Variants in BRF1 observed in about 807,000 individuals in gnomAD.
The protein encoded by BRF1 is transcription factor IIIB 90 kDa subunit.
A neutral mutation model predicts 81.7 loss-of-function variants in BRF1; 59 were observed. The ratio of observed to expected loss-of-function variants is 0.72; its 90% CI spans 0.59 to 0.90. The LOEUF is 0.90. Ranked by LOEUF, BRF1 falls within the 40% of genes least tolerant of loss-of-function variation. The probability of loss-of-function intolerance (pLI) is 0.00; values close to 1 mark genes in which losing one functional copy is unlikely to be tolerated. For synonymous variants in BRF1, 491 were observed against 395.6 expected (o/e 1.24, Z -2.86); for missense variants, 1,050 against 936.3 (o/e 1.12, Z -1.58).
intron 1 of BRF1, among the ~76,000 whole-genome samples, chr14:105,311,253 CT>C (rs1713434710): frequency 6.6e-6 from 1 of 151,752 alleles, no homozygotes; most frequent in African/African-American, 2.4e-5. Context: ...TGTGCCCGGC[CT>C]TTTTATTTTT....
rs370814430 is a variant in BRF1 at position 105,287,875 on chromosome 14, A to C, written c.185-1499T>G. 2.0e-4 allele frequency among the ~76,000 whole-genome samples: 31 copies of C among 152,384 alleles called. No individual in the cohort carries two copies. The South Asian group carries it at 4.8e-3, about 23-fold the overall frequency. On this transcript the variant is annotated intron_variant, in intron 1 of 17. Coordinates refer to ENST00000547530, the MANE Select transcript of BRF1 (RefSeq NM_001519.4). ...AGCTACTGGGCCCGTCCGGAAACTCAGAGCTGAACAGGGTCAGGTGGCACT... is the reference window on the plus strand; with the variant it reads ...AGCTACTGGGCCCGTCCGGAAACTCCGAGCTGAACAGGGTCAGGTGGCACT...
intron 5 of BRF1, chr14:105,247,026 C>T: frequency 9.1e-6 from 9 of 985,470 alleles, no homozygotes; most frequent in Non-Finnish European, 1.1e-5. Flanking sequence ...GCTGTCTCCA[C>T]TCTGGCCATT....
chr14:105,286,095 C>T (rs587745346), intron 2 of BRF1, among the ~76,000 whole-genome samples: 147 of 152,340 alleles, frequency 9.6e-4, no homozygotes, highest in Middle Eastern at 3.4e-3. Context: ...CCCCAAACAG[C>T]CCTGGCAGAG....
At chr14:105,223,557 T>C (rs1892631937) in intron 10 of BRF1, among the ~76,000 whole-genome samples, 1 of 152,152 alleles carries the variant, frequency 6.6e-6, no homozygotes, top group African/African-American at 2.4e-5. Context: ...GAAAAACATA[T>C]ACTATGTGAT....
At chr14:105,246,075 G>A (rs1349897375) in intron 5 of BRF1, among the ~76,000 whole-genome samples, 7 of 152,094 alleles carry the variant, frequency 4.6e-5, no homozygotes, top group Non-Finnish European at 1.0e-4. Context: ...GAACAAAATC[G>A]ATTAAAAATG....
Position 105,248,898 on chromosome 14 carries a change from A to G in BRF1, c.544+3609T>C, listed in dbSNP as rs953623186. The G allele has an allele frequency of 6.1e-4, 596 of 984,800 alleles. 10 individuals carry two copies. In the African/African-American group the frequency reaches 0.01, roughly 17 times the overall value. The allele number at this position is 984,800 out of a possible 1,614,324, so 61.0% of individuals were successfully genotyped here. A position where few individuals can be genotyped will look rare whatever the true frequency, so the allele number is the denominator to read the frequency against. ...GGCGGCGGAACTCTACGCTCCCGCC[A>G]GCGCCGCGGCCGCGGACCTAGCCAA... is the stretch of plus-strand genomic sequence containing the variant. On this transcript the variant is annotated intron_variant, in intron 5 of 17. Transcript: ENST00000547530.
In BRF1 at chr14:105,209,614, G is replaced by C. The variant is rs1889852952; in HGVS notation, c.*937C>G. 3 of 699,702 alleles carry C rather than the reference G, an allele frequency of 4.3e-6. No homozygotes were observed. The allele number at this position is 699,702 out of a possible 1,614,324, so 43.3% of individuals were successfully genotyped here. ...TGGGGCCTTCCCACGAAGAGGCCTG[G>C]GGAGGCTCTCGGGCCTCCGTCTGCC... On this transcript the variant is annotated 3_prime_UTR_variant, in exon 18 of 18. Transcript: ENST00000547530.
chr14:105,308,465 C>CA (rs1284386122), intron 1 of BRF1, among the ~76,000 whole-genome samples: 4 of 149,336 alleles, frequency 2.7e-5, no homozygotes, highest in Non-Finnish European at 5.9e-5. Flanking sequence ...CTGGGCACGA[C>CA]AGAGGCAGAT....
In BRF1 at chr14:105,210,088, G is replaced by A. The variant is rs587698093; in HGVS notation, c.*463C>T. ...CAGGGCTCTGGCTTCCACTCTGGCA[G>A]AGGCTGCTGGCGCCGAGTGCTGCTC... On this transcript the variant is annotated 3_prime_UTR_variant, in exon 18 of 18. Transcript: ENST00000547530. The surrounding 1 kb of genome is among the most constrained non-coding windows in gnomAD (Gnocchi z 4.7). 15 of 217,298 alleles carry A rather than the reference G, an allele frequency of 6.9e-5. No homozygotes were observed. The East Asian group carries it at 1.8e-3, about 26-fold the overall frequency. 13.5% of individuals were successfully genotyped at this position (217,298 alleles called of 1,614,324 possible). A position where few individuals can be genotyped will look rare whatever the true frequency, so the allele number is the denominator to read the frequency against.
In BRF1 at chr14:105,226,708, T is replaced by C; in HGVS notation, c.841A>G (p.Met281Val). 1.2e-6 allele frequency: 2 copies of C among 1,613,712 alleles called. No homozygotes were observed. The change falls in exon 8 of 18, where the codon ATG (methionine) becomes GTG (valine). Residue 281 changes from methionine (M) to valine (V), a missense_variant. This residue lies in a region of BRF1 where 1,043 missense variants were observed against 915.4 expected (regional missense o/e 1.14). Transcript: ENST00000547530. ...PTSQLTIDEF[M>V]KIDLEEECDP... Reference sequence around the variant, plus strand: ...CACTCCTCCTCCAGGTCGATCTTCATGAACTCATCAATGGTCAACTGACTG... The same window carrying C: ...CACTCCTCCTCCAGGTCGATCTTCACGAACTCATCAATGGTCAACTGACTG...
intron 1 of BRF1, among the ~76,000 whole-genome samples, chr14:105,290,714 TCCTC>T (rs1290503263): frequency 6.6e-6 from 1 of 151,826 alleles, no homozygotes; most frequent in Non-Finnish European, 1.5e-5. Flanking sequence ...CTGCCCTCCC[TCCTC>T]CATCACTCTG....
At position 105,226,093 on chromosome 14, in the gene BRF1, C is replaced by G; in HGVS notation, c.1024G>C (p.Gly342Arg). The G allele has an allele frequency of 6.2e-7, 1 of 1,613,868 alleles. No homozygotes were observed. Residue 342 changes from glycine to arginine, a missense_variant, in exon 10 of 18, where the codon GGC becomes CGC. Transcript: ENST00000547530. ...LENSRPKAKG[G>R]LASLAKDGST... ...CCATCTTTTGCCAGGCTGGCCAGGC[C>G]CCCCTTGGCCTTTGGCCGGCTGTTT...
intron 6 of BRF1, 57 bp downstream of exon 6, chr14:105,241,208 A>C (rs1043557000): frequency 1.3e-6 from 2 of 1,592,372 alleles, no homozygotes; most frequent in African/African-American, 1.3e-5. Flanking sequence ...AGGAGTCAGG[A>C]AAGTGTGAGG....
rs587748678 is a variant in BRF1, at chr14:105,220,214, C to T, written c.1316-84G>A. On this transcript the variant is annotated intron_variant, in intron 11 of 17. Coordinates refer to ENST00000547530, the MANE Select transcript of BRF1 (RefSeq NM_001519.4). ...CCACCACCTGGGCTGGCTCAGGACC[C>T]TGGGTCTGGGCTAAGGGCTTTCTAG... 3 of 1,529,304 alleles carry T rather than the reference C, an allele frequency of 2.0e-6. No homozygotes were observed. In the East Asian group the frequency reaches 6.8e-5, roughly 35 times the overall value. 94.7% of individuals were successfully genotyped at this position (1,529,304 alleles called of 1,614,324 possible).
chr14:105,266,619 A>C (rs2140372545), intron 3 of BRF1, among the ~76,000 whole-genome samples: 1 of 152,274 alleles, frequency 6.6e-6, no homozygotes, highest in Non-Finnish European at 1.5e-5. Context: ...TACCGCAGAT[A>C]CATAGAGCGA....
At chr14:105,301,638 C>G (rs1027425300), upstream of BRF1, among the ~76,000 whole-genome samples, 3 of 152,244 alleles carry the variant, frequency 2.0e-5, no homozygotes, top group African/African-American at 7.2e-5. Context: ...CAGAGCCTCC[C>G]CGTGCGCCCC....
At chr14:105,252,367 C>T (rs1467267941) in intron 5 of BRF1, 140 bp downstream of exon 5, 1 of 1,424,596 alleles carries the variant, frequency 7.0e-7, no homozygotes, top group East Asian at 2.6e-5. Context: ...TACTGAGCTC[C>T]TAGCAGCTTT....
intron 10 of BRF1, among the ~76,000 whole-genome samples, chr14:105,225,265 A>AAATACAAATACAAATAC (rs1451933560): frequency 6.6e-6 from 1 of 152,228 alleles, no homozygotes; most frequent in African/African-American, 2.4e-5. Context: ...TACACAGTAC[A>AAATACAAATACAAATAC]GAATACAAAT....
chr14:105,217,395 C>T, intron 15 of BRF1, 149 bp downstream of exon 15: 1 of 1,276,970 alleles, frequency 7.8e-7, no homozygotes, highest in African/African-American at 1.5e-5. Flanking sequence ...CGGAGAAGGC[C>T]CACCAGTCCC....
Sources: allele counts gnomAD v4.1 joint callset (sites outside exome capture counted in the v4.1 genomes callset), GRCh38; gene constraint gnomAD v4.1.1; regional missense constraint gnomAD v4.1.1; non-coding constraint Gnocchi (gnomAD v3.1); transcripts MANE v1.5; gene names NCBI Gene and HGNC (gene_info 2026-07-23, HGNC 2026-07-21).